RIPOR3: variants seen among roughly 807,000 people sequenced by gnomAD.
The protein encoded by RIPOR3 is RIPOR family member 3.
RIPOR3 carries 95 observed loss-of-function variants against 114.3 expected under a neutral mutation model. That is an observed-to-expected ratio of 0.83 (90% CI 0.70 to 0.99). The LOEUF is 0.99. RIPOR3 is among the 50% of genes least tolerant of loss of function. The pLI is 0.00. For missense variants in RIPOR3, 1,252 were observed against 1,266.9 expected (o/e 0.99, Z 0.18); for synonymous variants, 575 against 543.8 (o/e 1.06, Z -0.80).
intron 2 of RIPOR3, among the ~76,000 whole-genome samples, chr20:50,625,383 G>T (rs528686084): frequency 6.6e-6 from 1 of 152,246 alleles, no homozygotes; most frequent in South Asian, 2.1e-4. Context: ...GCCTGCTCTT[G>T]GTGCTTTACA....
At chr20:50,591,271 TAGATA>T (rs2083098977) in intron 19 of RIPOR3, among the ~76,000 whole-genome samples, 2 of 152,224 alleles carry the variant, frequency 1.3e-5, no homozygotes, top group South Asian at 2.1e-4. Flanking sequence ...GTTAATTTTT[TAGATA>T]AGATAATGGT....
chr20:50,594,418 T>C, intron 17 of RIPOR3, 135 bp downstream of exon 17: 3 of 1,084,866 alleles, frequency 2.8e-6, no homozygotes, highest in Non-Finnish European at 3.9e-6. Flanking sequence ...CTGAGAAAGC[T>C]CCTCCGTCCG....
At chr20:50,669,472 G>A (rs1213223629) in intron 1 of RIPOR3, among the ~76,000 whole-genome samples, 1 of 152,142 alleles carries the variant, frequency 6.6e-6, no homozygotes, top group African/African-American at 2.4e-5. Flanking sequence ...CTGGCTACCT[G>A]GAAAATATTT....
chr20:50,674,117 G>A (rs1440325740), intron 1 of RIPOR3, among the ~76,000 whole-genome samples: 2 of 152,124 alleles, frequency 1.3e-5, no homozygotes, highest in Non-Finnish European at 2.9e-5. Flanking sequence ...AGCCTCTCTG[G>A]GTAAGATGTG....
chr20:50,645,919 C>T (rs888849428), intron 1 of RIPOR3: 1 of 152,206 alleles, frequency 6.6e-6, no homozygotes, highest in Non-Finnish European at 1.5e-5. Flanking sequence ...ATCAAGCCGG[C>T]CTGCTGTTCT....
Position 50,587,094 on chromosome 20 carries a change from C to G in RIPOR3, c.*138G>C. 1 of 673,640 alleles carries G rather than the reference C, an allele frequency of 1.5e-6. No individual in the cohort carries two copies. Among genetic ancestry groups the G allele is most frequent in the South Asian group, 1.8e-5 (1 of 54,482 alleles). 41.7% of individuals were successfully genotyped at this position (673,640 alleles called of 1,614,324 possible). ...CATGCCCTGGGGCTGGGTCAATGGC[C>G]GGAGTCTCAGGTAGAGCTCTGGGCA... On this transcript the variant is annotated 3_prime_UTR_variant, in exon 22 of 22. Coordinates refer to ENST00000327979, the MANE Select transcript of RIPOR3 (RefSeq NM_001290268.2).
intron 1 of RIPOR3, among the ~76,000 whole-genome samples, chr20:50,681,235 A>G (rs1324140171): frequency 8.8e-6 from 1 of 113,664 alleles, no homozygotes; most frequent in Non-Finnish European, 1.9e-5. Flanking sequence ...AAAAAAAAAA[A>G]AAAAAAAGAA....
At chr20:50,594,009 G>C (rs1416354940) in intron 17 of RIPOR3, among the ~76,000 whole-genome samples, 1 of 152,076 alleles carries the variant, frequency 6.6e-6, no homozygotes, top group Non-Finnish European at 1.5e-5. Flanking sequence ...AGTGGCTCAT[G>C]CCTGTAATCC....
At chr20:50,641,731 T>C (rs1402295967) in intron 1 of RIPOR3, among the ~76,000 whole-genome samples, 1 of 152,216 alleles carries the variant, frequency 6.6e-6, no homozygotes, top group Non-Finnish European at 1.5e-5. Context: ...ACTTTAGCGT[T>C]TCCCACGCTA....
chr20:50,591,053 A>C (rs1196611094), intron 19 of RIPOR3, among the ~76,000 whole-genome samples: 1 of 152,174 alleles, frequency 6.6e-6, no homozygotes, highest in Non-Finnish European at 1.5e-5. Flanking sequence ...GCAAGCAGCA[A>C]AGTCTAGATA....
At chr20:50,615,108 A>AGT (rs56136460) in intron 4 of RIPOR3, among the ~76,000 whole-genome samples, 6,028 of 138,404 alleles carry the variant, frequency 0.044, 152 homozygotes, top group African/African-American at 0.057. Flanking sequence ...GCTATTTGTG[A>AGT]GTGTGTGTGT....
intron 3 of RIPOR3, among the ~76,000 whole-genome samples, chr20:50,617,311 T>G (rs1056123581): frequency 2.0e-5 from 3 of 152,188 alleles, no homozygotes; most frequent in Non-Finnish European, 4.4e-5. Context: ...ACTGAGGTAT[T>G]GAGCTCTCTG....
intron 3 of RIPOR3, among the ~76,000 whole-genome samples, chr20:50,617,692 CTTGGCTCA>C (rs1352393954): frequency 7.6e-6 from 1 of 131,232 alleles, no homozygotes; most frequent in Non-Finnish European, 1.5e-5. Flanking sequence ...ATAACGCGAT[CTTGGCTCA>C]CCACAACCCC....
At chr20:50,622,094 G>A (rs1314955239) in intron 2 of RIPOR3, among the ~76,000 whole-genome samples, 2 of 152,048 alleles carry the variant, frequency 1.3e-5, no homozygotes, top group East Asian at 1.9e-4. Flanking sequence ...TCAGCCAGGC[G>A]CCCTGGCACC....
chr20:50,668,741 C>G (rs747175628), intron 1 of RIPOR3, among the ~76,000 whole-genome samples: 2 of 152,080 alleles, frequency 1.3e-5, no homozygotes, highest in East Asian at 3.9e-4. Context: ...CCTGTAATCC[C>G]AGCTACTTGG....
chr20:50,608,283 GA>G, intron 11 of RIPOR3, 105 bp downstream of exon 11: 6 of 1,519,690 alleles, frequency 3.9e-6, no homozygotes, highest in Non-Finnish European at 5.3e-6. Flanking sequence ...TGAGGGCAGG[GA>G]CACCCTTGGC....
At chr20:50,679,630 G>A (rs1227238704) in intron 1 of RIPOR3, among the ~76,000 whole-genome samples, 4 of 151,272 alleles carry the variant, frequency 2.6e-5, no homozygotes, top group African/African-American at 4.9e-5. Context: ...TTAGCCGGGC[G>A]TGGTGGCGCT....
At chr20:50,645,096 C>A (rs553705922) in intron 1 of RIPOR3, among the ~76,000 whole-genome samples, 23 of 152,280 alleles carry the variant, frequency 1.5e-4, no homozygotes, top group African/African-American at 5.5e-4. Flanking sequence ...CCTGCCTCAG[C>A]CTTCCAAAGT....
chr20:50,659,205 A>T (rs1160322651), intron 1 of RIPOR3, among the ~76,000 whole-genome samples: 1 of 152,182 alleles, frequency 6.6e-6, no homozygotes, highest in Non-Finnish European at 1.5e-5. Flanking sequence ...TCTGAAAATG[A>T]TTCTGGGTTT....
Sources: gnomAD v4.1 joint callset for allele counts (sites outside exome capture counted in the v4.1 genomes callset) on GRCh38, gnomAD v4.1.1 for gene constraint, MANE v1.5 for transcripts, NCBI Gene and HGNC (gene_info 2026-07-23, HGNC 2026-07-21) for gene names.